Variants in DOCK3 observed in about 807,000 individuals in gnomAD.
DOCK3 encodes the protein dedicator of cytokinesis 3.
Under a neutral mutation model 265.6 loss-of-function variants are expected in DOCK3, and 60 were observed. That is an observed-to-expected ratio of 0.23 (90% CI 0.18 to 0.28). DOCK3 has a LOEUF of 0.28. Among genes scored for constraint, DOCK3 ranks in the 10% least tolerant of loss-of-function variants. The pLI, the probability that DOCK3 is intolerant of heterozygous loss-of-function variation, is 1.00. For missense variants in DOCK3, 1,981 were observed against 2,594.3 expected (o/e 0.76, Z 5.14); for synonymous variants, 881 against 938.0 (o/e 0.94, Z 1.11).
At chr3:51,254,356 G>A (rs1281092330) in intron 22 of DOCK3, among the ~76,000 whole-genome samples, 5 of 152,308 alleles carry the variant, frequency 3.3e-5, no homozygotes, top group Non-Finnish European at 2.9e-5. Flanking sequence ...GATTTGGGGT[G>A]GAGAGTTCTA....
chr3:51,149,772 G>A (rs921278016), intron 10 of DOCK3, among the ~76,000 whole-genome samples: 2 of 152,150 alleles, frequency 1.3e-5, no homozygotes, highest in African/African-American at 2.4e-5. Flanking sequence ...TTGCATCGAC[G>A]TTCATCAGGG....
In DOCK3 at chr3:50,978,886, C is replaced by T. The variant is rs191171536; in HGVS notation, c.315+44809C>T. On this transcript the variant is annotated intron_variant, in intron 5 of 52. Transcript: ENST00000266037. ...AAGCCCGTCGGAAAAGCGCAGTATTCGGGTGGGAGTGACCCGATTTTCCAG... is the reference window on the plus strand; with the variant it reads ...AAGCCCGTCGGAAAAGCGCAGTATTTGGGTGGGAGTGACCCGATTTTCCAG... Among the ~76,000 whole-genome samples the T allele has an allele frequency of 9.2e-3, 1,407 of 152,284 alleles. 11 individuals are homozygous for T. Among genetic ancestry groups the T allele is most frequent in the Admixed American group, 0.014 (220 of 15,290 alleles).
intron 4 of DOCK3, among the ~76,000 whole-genome samples, chr3:50,896,011 T>C (rs1037479237): frequency 6.6e-5 from 10 of 152,192 alleles, no homozygotes; most frequent in African/African-American, 2.4e-4. Flanking sequence ...AGTAGAATGA[T>C]TTATAATCCT....
At chr3:51,287,908 G>A (rs916198035) in intron 27 of DOCK3, among the ~76,000 whole-genome samples, 2 of 152,182 alleles carry the variant, frequency 1.3e-5, no homozygotes, top group African/African-American at 4.8e-5. Context: ...TGGTAGACTA[G>A]ATAAAGAAAG....
chr3:50,783,919 G>A (rs1267275117), intron 2 of DOCK3, among the ~76,000 whole-genome samples: 1 of 151,408 alleles, frequency 6.6e-6, no homozygotes, highest in Non-Finnish European at 1.5e-5. Context: ...CCAGGCTGGG[G>A]TGCAGTGGCA....
intron 5 of DOCK3, among the ~76,000 whole-genome samples, chr3:50,943,526 T>C (rs2076350934): frequency 6.6e-6 from 1 of 152,132 alleles, no homozygotes. Flanking sequence ...TGTACCAAAA[T>C]ATTAATGGAG....
chr3:50,918,527 T>A (rs1340655077), intron 4 of DOCK3, among the ~76,000 whole-genome samples: 2 of 152,196 alleles, frequency 1.3e-5, no homozygotes, highest in African/African-American at 4.8e-5. Flanking sequence ...TGAGCCTTTT[T>A]TCATGTGTCT....
intron 2 of DOCK3, among the ~76,000 whole-genome samples, chr3:50,830,017 G>A (rs576417796): frequency 6.8e-4 from 104 of 152,086 alleles, no homozygotes; most frequent in Non-Finnish European, 8.1e-4. Context: ...TGCAAATAAT[G>A]GAAAGAGGAT....
chr3:50,691,024 T>C (rs1270375397), intron 1 of DOCK3, among the ~76,000 whole-genome samples: 1 of 151,870 alleles, frequency 6.6e-6, no homozygotes, highest in Non-Finnish European at 1.5e-5. Flanking sequence ...GGCTCATGCC[T>C]GTAATCCCAG....
rs548748451 is a variant in DOCK3, at chr3:50,962,234, T to A, written c.315+28157T>A. ...GTTCTCATTGTTCAACTCCCACTTA[T>A]GAGATGAACCACCTTTTTGCAACAA... On this transcript the variant is annotated intron_variant, in intron 5 of 52. Transcript: ENST00000266037. 5.3e-5 allele frequency among the ~76,000 whole-genome samples: 8 copies of A among 152,246 alleles called. No individual in the cohort carries two copies. The South Asian group carries it at 1.7e-3, about 32-fold the overall frequency.
At chr3:51,244,971 AAGAC>A (rs1370597231) in intron 21 of DOCK3, among the ~76,000 whole-genome samples, 1 of 152,254 alleles carries the variant, frequency 6.6e-6, no homozygotes, top group Non-Finnish European at 1.5e-5. Context: ...AGAATATAAA[AAGAC>A]AGTCCATAAA....
chr3:50,992,004 A>G (rs1215270756), intron 5 of DOCK3, among the ~76,000 whole-genome samples: 1 of 152,242 alleles, frequency 6.6e-6, no homozygotes, highest in Non-Finnish European at 1.5e-5. Context: ...TGGGTAAATA[A>G]TGAAATTAAG....
chr3:51,206,914 G>C (rs2089246039), intron 12 of DOCK3, among the ~76,000 whole-genome samples: 1 of 152,206 alleles, frequency 6.6e-6, no homozygotes, highest in Non-Finnish European at 1.5e-5. Flanking sequence ...GTGAATGCTG[G>C]AAGGGTATAG....
chr3:51,000,928 C>T (rs1037635329), intron 5 of DOCK3, among the ~76,000 whole-genome samples: 1 of 152,244 alleles, frequency 6.6e-6, no homozygotes, highest in Admixed American at 6.5e-5. Context: ...GCTGGGATTA[C>T]AGGCGTGGGC....
chr3:50,787,624 CG>C, intron 2 of DOCK3: 3 of 1,273,160 alleles, frequency 2.4e-6, no homozygotes, highest in Non-Finnish European at 3.4e-6. Context: ...CCGCTTCTTA[CG>C]CTTAGGTGGC....
chr3:50,895,064 C>T (rs2048827242), intron 4 of DOCK3, among the ~76,000 whole-genome samples: 1 of 152,062 alleles, frequency 6.6e-6, no homozygotes, highest in African/African-American at 2.4e-5. Flanking sequence ...AATTAAAGGA[C>T]ATTTTAATGG....
At chr3:50,853,972 T>A (rs1369911508) in intron 3 of DOCK3, among the ~76,000 whole-genome samples, 2 of 151,998 alleles carry the variant, frequency 1.3e-5, no homozygotes, top group Admixed American at 1.3e-4. Flanking sequence ...CTCGAGAACA[T>A]CTGTTATTAT....
At chr3:51,032,982 G>T (rs1010483936) in intron 5 of DOCK3, among the ~76,000 whole-genome samples, 1 of 152,152 alleles carries the variant, frequency 6.6e-6, no homozygotes, top group Non-Finnish European at 1.5e-5. Flanking sequence ...TTCTGTATCA[G>T]CCATTTAGTC....
At chr3:50,934,189 A>G in intron 5 of DOCK3, 112 bp downstream of exon 5, 1 of 762,730 alleles carries the variant, frequency 1.3e-6, no homozygotes, top group Non-Finnish European at 2.0e-6. Context: ...CAGTTTATCA[A>G]ACATATGTTC....
Sources: allele counts gnomAD v4.1 joint callset (sites outside exome capture counted in the v4.1 genomes callset), GRCh38; gene constraint gnomAD v4.1.1; transcripts MANE v1.5; gene names NCBI Gene and HGNC (gene_info 2026-07-23, HGNC 2026-07-21).